Variants in CDK15 observed in about 807,000 individuals in gnomAD.
CDK15 encodes the protein cyclin dependent kinase 15.
In CDK15, 62 loss-of-function variants were observed where a neutral mutation model predicts 60.3. The ratio of observed to expected loss-of-function variants is 1.03; its 90% CI spans 0.84 to 1.27. The LOEUF (loss-of-function observed/expected upper bound fraction) is 1.27, where lower values mean the gene tolerates loss of function less well. Ranked by LOEUF, CDK15 falls within the 50% of genes most tolerant of loss-of-function variation. CDK15 has a pLI of 0.00. For synonymous variants in CDK15, 194 were observed against 195.7 expected (o/e 0.99, Z 0.07); for missense variants, 541 against 527.8 (o/e 1.03, Z -0.25).
At chr2:201,835,579 C>G in intron 7 of CDK15, 64 bp from the exon 8 acceptor site, 1 of 1,434,596 alleles carries the variant, frequency 7.0e-7, no homozygotes, top group Non-Finnish European at 9.3e-7. Context: ...TACCCTGGTC[C>G]AGTGCATCAT....
At chr2:201,851,255 G>C (rs1406939365) in intron 9 of CDK15, among the ~76,000 whole-genome samples, 1 of 125,334 alleles carries the variant, frequency 8.0e-6, no homozygotes, top group Non-Finnish European at 1.6e-5. Flanking sequence ...TCGTGCCACT[G>C]CACTCCAGCC....
At position 201,847,441 on chromosome 2, in the gene CDK15, C is replaced by T. The variant is rs751644527; in HGVS notation, c.912C>T (p.Ser304=). 6 of 1,613,778 alleles carry T rather than the reference C, an allele frequency of 3.7e-6. No homozygotes were observed. Among genetic ancestry groups the T allele is most frequent in the Non-Finnish European group, 3.4e-6 (4 of 1,179,968 alleles). Residue 304 remains serine (S), a synonymous_variant, in exon 9 of 14, where the codon TCC becomes TCT. Coordinates refer to ENST00000652192, the MANE Select transcript of CDK15 (RefSeq NM_001366386.2). Reference sequence around the variant, plus strand: ...GTCAACCTTTGTTTCCTGGGGTTTCCAACATCCTTGAACAGCTGGAGAAAA... The same window carrying T: ...GTCAACCTTTGTTTCCTGGGGTTTCTAACATCCTTGAACAGCTGGAGAAAA... ...FQGQPLFPGV[S]NILEQLEKIW... is the part of the protein sequence containing the mutation.
chr2:201,809,902 T>C (rs66468651), intron 3 of CDK15, among the ~76,000 whole-genome samples: 11,813 of 152,104 alleles, frequency 0.078, 799 homozygotes, highest in African/African-American at 0.18. Context: ...ATCAGATTCC[T>C]GGTTCAAGTG....
intron 6 of CDK15, 56 bp from the exon 7 acceptor site, chr2:201,833,792 C>A: frequency 6.5e-7 from 1 of 1,542,734 alleles, no homozygotes; most frequent in South Asian, 1.2e-5. Flanking sequence ...GATTTAGAGG[C>A]GAAATCAGCA....
At chr2:201,812,326 T>C (rs181107253) in intron 3 of CDK15, among the ~76,000 whole-genome samples, 157 bp from the exon 4 acceptor site, 1 of 152,324 alleles carries the variant, frequency 6.6e-6, no homozygotes, top group Admixed American at 6.5e-5. Flanking sequence ...GTTATATATG[T>C]ATTGATACAT....
At chr2:201,870,794 A>G (rs554856273) in intron 10 of CDK15, among the ~76,000 whole-genome samples, 28 of 152,360 alleles carry the variant, frequency 1.8e-4, no homozygotes, top group African/African-American at 6.5e-4. Context: ...ACCATTTTGA[A>G]TGAGAGTTGA....
intron 10 of CDK15, among the ~76,000 whole-genome samples, chr2:201,860,580 G>A (rs951055522): frequency 6.6e-6 from 1 of 152,240 alleles, no homozygotes; most frequent in South Asian, 2.1e-4. Context: ...AACACTGCAC[G>A]TGGGAAGTTT....
intron 8 of CDK15, among the ~76,000 whole-genome samples, chr2:201,839,687 C>CAGATAGAT (rs72059310): frequency 6.8e-6 from 1 of 146,640 alleles, no homozygotes; most frequent in African/African-American, 2.6e-5. Context: ...GACAGACAGA[C>CAGATAGAT]AGATAGATAG....
Position 201,823,750 on chromosome 2 carries a change from C to A in CDK15, c.606+23C>A, listed in dbSNP as rs766757848. On this transcript the variant is annotated intron_variant, in intron 6 of 13. Transcript: ENST00000652192. ...AGAGTGAGTACGTTAAGGGTCAGGACCCTCTCCTGGCTTGCCCACAGAAGG... is the reference window on the plus strand; with the variant it reads ...AGAGTGAGTACGTTAAGGGTCAGGAACCTCTCCTGGCTTGCCCACAGAAGG... 13 of 1,607,300 alleles carry A rather than the reference C, an allele frequency of 8.1e-6. No individual in the cohort carries two copies. The African/African-American group carries it at 1.1e-4, about 13-fold the overall frequency.
intron 4 of CDK15, among the ~76,000 whole-genome samples, chr2:201,814,949 ATTT>A (rs5837791): frequency 0.25 from 30,747 of 125,094 alleles, 3,322 homozygotes; most frequent in East Asian, 0.43. Context: ...ACTAAGGAAC[ATTT>A]TTTTTTTTTT....
rs55721501 is a variant in CDK15 at position 201,886,327 on chromosome 2, AT to A, written c.1199-4443del. 5.9e-3 allele frequency among the ~76,000 whole-genome samples: 839 copies of A among 141,230 alleles called. 1 individual carries two copies. The highest frequency in any genetic ancestry group is 7.5e-3 in the Middle Eastern group (2 of 266). 92.7% of individuals were successfully genotyped at this position (141,230 alleles called of 152,430 possible). ...TATGCAATCAGCCTTGGGTTTTAAG[AT>A]TTTTTTTTTTTTTTGAGATGGACTT... is the stretch of plus-strand genomic sequence containing the variant. On this transcript the variant is annotated intron_variant, in intron 12 of 13. Coordinates refer to ENST00000652192, the MANE Select transcript of CDK15 (RefSeq NM_001366386.2).
intron 4 of CDK15, among the ~76,000 whole-genome samples, chr2:201,819,467 T>G (rs1696129713): frequency 6.6e-6 from 1 of 152,054 alleles, no homozygotes; most frequent in Admixed American, 6.6e-5. Flanking sequence ...AAATCGCAAG[T>G]CCTTTGAATT....
At chr2:201,847,248 C>T in intron 8 of CDK15, 133 bp from the exon 9 acceptor site, 1 of 822,692 alleles carries the variant, frequency 1.2e-6, no homozygotes, top group Non-Finnish European at 1.8e-6. Context: ...TTTTTTGGCC[C>T]AAGACTTTTA....
At chr2:201,807,837 T>C (rs758127460) in intron 2 of CDK15, 21 bp from the exon 3 acceptor site, 5 of 1,593,536 alleles carry the variant, frequency 3.1e-6, no homozygotes, top group Non-Finnish European at 4.3e-6. Context: ...CCCGCTCCTT[T>C]TCCCCATTCC....
intron 9 of CDK15, 180 bp from the exon 10 acceptor site, chr2:201,854,694 A>G: frequency 1.7e-6 from 1 of 590,744 alleles, no homozygotes; most frequent in Non-Finnish European, 3.0e-6. Context: ...TGCCCAAGAA[A>G]CCACAAACGT....
intron 6 of CDK15, among the ~76,000 whole-genome samples, chr2:201,832,423 C>G (rs1309411092): frequency 1.3e-5 from 2 of 152,132 alleles, no homozygotes; most frequent in African/African-American, 4.8e-5. Context: ...TTTGTATTAC[C>G]TTTTCCATGG....
chr2:201,847,988 T>G (rs900007143), intron 9 of CDK15, among the ~76,000 whole-genome samples: 21 of 152,088 alleles, frequency 1.4e-4, no homozygotes, highest in African/African-American at 4.8e-4. Context: ...ATGAGTGGGC[T>G]GTGTGGCGCA....
chr2:201,854,492 T>G (rs958520954), intron 9 of CDK15, among the ~76,000 whole-genome samples: 9 of 152,330 alleles, frequency 5.9e-5, no homozygotes, highest in Admixed American at 2.0e-4. Context: ...GGTCATCTGA[T>G]GCAAGGCAAA....
rs1699723067 is a variant in CDK15 at position 201,894,442 on chromosome 2, G to A, written c.*1175G>A. 6.6e-6 allele frequency: 1 copy of A among 152,210 alleles called. No homozygotes were observed. Among genetic ancestry groups the A allele is most frequent in the South Asian group, 2.1e-4 (1 of 4,832 alleles). 9.4% of individuals were successfully genotyped at this position (152,210 alleles called of 1,614,324 possible). A position where few individuals can be genotyped will look rare whatever the true frequency, so the allele number is the denominator to read the frequency against. On this transcript the variant is annotated 3_prime_UTR_variant, in exon 14 of 14. Coordinates refer to ENST00000652192, the MANE Select transcript of CDK15 (RefSeq NM_001366386.2). The stretch of plus-strand genomic sequence containing the variant: ...AAAGACTGTCCAGCTATACCTGAAA[G>A]ATGAAACAGTGTAGGCTGGGTGATG...
Sources: allele counts gnomAD v4.1 joint callset (sites outside exome capture counted in the v4.1 genomes callset), GRCh38; gene constraint gnomAD v4.1.1; transcripts MANE v1.5; gene names NCBI Gene and HGNC (gene_info 2026-07-23, HGNC 2026-07-21).